PCDHA8: variants seen among roughly 807,000 people sequenced by gnomAD.
The protein encoded by PCDHA8 is protocadherin alpha-8.
A neutral mutation model predicts 61.8 loss-of-function variants in PCDHA8; 53 were observed. That is an observed-to-expected ratio of 0.86 (90% confidence interval 0.69 to 1.08). The LOEUF (loss-of-function observed/expected upper bound fraction) is 1.08. Ranked by LOEUF, PCDHA8 falls within the 50% of genes least tolerant of loss-of-function variation. PCDHA8 has a pLI of 0.00. For synonymous variants in PCDHA8, 618 were observed against 556.6 expected, an observed-to-expected ratio of 1.11 and a Z score of -1.55; for missense variants, 1,293 against 1,245.0, an observed-to-expected ratio of 1.04 and a Z score of -0.58.
intron 3 of PCDHA8, among the ~76,000 whole-genome samples, chr5:141,002,590 C>T (rs183905414): frequency 6.6e-6 from 1 of 152,294 alleles, no homozygotes; most frequent in East Asian, 1.9e-4. Flanking sequence ...AGTCCTTAGT[C>T]CCCTCATCTA....
At chr5:140,870,622 G>C (rs377101052) in intron 1 of PCDHA8, 4 of 1,613,124 alleles carry the variant, frequency 2.5e-6, no homozygotes, top group Non-Finnish European at 3.4e-6. Flanking sequence ...GTCGAGCTAC[G>C]TGTCGGTGCA....
At position 141,010,198 on chromosome 5, in the gene PCDHA8, C is replaced by T; in HGVS notation, c.*261C>T. ...AAAGCAGACCCAAGTTTCCTTTCTC[C>T]TCCGCCGCAAAGGAGAGGCTTCCCA... On this transcript the variant is annotated 3_prime_UTR_variant, in exon 4 of 4. Transcript: ENST00000531613. The T allele has an allele frequency of 6.4e-7, 1 of 1,552,138 alleles. No homozygotes were observed. The highest frequency in any genetic ancestry group is 1.4e-5 in the African/African-American group (1 of 73,154).
At chr5:140,968,150 A>G (rs1554230413) in intron 1 of PCDHA8, 2 of 1,614,180 alleles carry the variant, frequency 1.2e-6, no homozygotes, top group Admixed American at 1.7e-5. Flanking sequence ...GATCTCTGAC[A>G]TCAATGACAA....
intron 1 of PCDHA8, chr5:140,967,149 C>A (rs781864120): frequency 1.3e-5 from 21 of 1,610,890 alleles, no homozygotes; most frequent in Non-Finnish European, 1.7e-5. Flanking sequence ...GCGCACAACC[C>A]CGTGGCGGTG....
chr5:140,961,748 A>G (rs2095633419), intron 1 of PCDHA8, among the ~76,000 whole-genome samples: 1 of 152,184 alleles, frequency 6.6e-6, no homozygotes, highest in Non-Finnish European at 1.5e-5. Flanking sequence ...GTAATATTAC[A>G]GTTTTGAAGG....
intron 1 of PCDHA8, chr5:140,863,570 G>A (rs912173891): frequency 1.9e-5 from 7 of 370,768 alleles, no homozygotes; most frequent in South Asian, 4.2e-5. Flanking sequence ...GAGAATATAA[G>A]TACTGTAATC....
At chr5:140,927,376 A>G (rs1554204440) in intron 1 of PCDHA8, 13 of 1,614,094 alleles carry the variant, frequency 8.1e-6, no homozygotes, top group East Asian at 2.2e-5. Context: ...ACTAAGCTAC[A>G]GCCTAAGCCC....
In PCDHA8 at chr5:140,927,920, T is replaced by C. The variant is rs782193396; in HGVS notation, c.2395-51029T>C. Reference sequence around the variant, plus strand: ...GATCATGCCCCCGAACTGGACTTCCTGACTCTTTCGAACCCAGTACCTGAG... The same window carrying C: ...GATCATGCCCCCGAACTGGACTTCCCGACTCTTTCGAACCCAGTACCTGAG... On this transcript the variant is annotated intron_variant, in intron 1 of 3. Transcript: ENST00000531613. 6.2e-6 allele frequency: 10 copies of C among 1,614,120 alleles called. No individual in the cohort carries two copies. In the South Asian group the frequency reaches 1.1e-4, roughly 18 times the overall value.
chr5:140,930,321 T>C (rs1166503889), intron 1 of PCDHA8: 7 of 152,186 alleles, frequency 4.6e-5, no homozygotes, highest in Non-Finnish European at 1.0e-4. Flanking sequence ...TTGAGAGTAA[T>C]GTATCTAATG....
At chr5:140,874,703 A>G (rs782809395) in intron 1 of PCDHA8, among the ~76,000 whole-genome samples, 16 of 152,270 alleles carry the variant, frequency 1.1e-4, no homozygotes, top group Admixed American at 7.2e-4. Flanking sequence ...TATGGAAATG[A>G]GAGCAGTTAT....
intron 1 of PCDHA8, chr5:140,856,300 T>C (rs1251498133): frequency 1.3e-6 from 2 of 1,598,422 alleles, no homozygotes; most frequent in African/African-American, 2.7e-5. Context: ...GCATTTTGTT[T>C]GTGAATTCTC....
chr5:140,869,028 G>T, intron 1 of PCDHA8: 1 of 1,526,584 alleles, frequency 6.6e-7, no homozygotes, highest in Middle Eastern at 1.8e-4. Context: ...AATTCAACGA[G>T]ATTTTTAACC....
intron 1 of PCDHA8, among the ~76,000 whole-genome samples, chr5:140,911,178 G>A (rs1227283843): frequency 1.3e-5 from 2 of 152,196 alleles, no homozygotes; most frequent in Non-Finnish European, 2.9e-5. Flanking sequence ...TGATGGCAGT[G>A]TGGGTTGGGG....
intron 1 of PCDHA8, among the ~76,000 whole-genome samples, chr5:140,962,850 G>T (rs2095713419): frequency 6.6e-6 from 1 of 152,104 alleles, no homozygotes; most frequent in African/African-American, 2.4e-5. Flanking sequence ...TATAACTTGT[G>T]CTCGGTTTGT....
At chr5:140,876,938 T>C in intron 1 of PCDHA8, 1 of 1,613,716 alleles carries the variant, frequency 6.2e-7, no homozygotes, top group East Asian at 2.2e-5. Context: ...AAGAACGCGC[T>C]GGTGTCCTAC....
At chr5:140,903,427 A>G (rs1030133179) in intron 1 of PCDHA8, among the ~76,000 whole-genome samples, 9 of 152,208 alleles carry the variant, frequency 5.9e-5, no homozygotes, top group African/African-American at 1.9e-4. Context: ...TCAGCACAAT[A>G]TGTATCAGTG....
In PCDHA8 at chr5:140,841,950, T is replaced by C. The variant is rs1580983640; in HGVS notation, c.629T>C (p.Leu210Ser). 1 of 1,613,892 alleles carries C rather than the reference T, an allele frequency of 6.2e-7. No homozygotes were observed. ...LDREDAPAHH[L>S]FLTATDGGKP... ...AGAGAGGACGCTCCTGCGCACCACT[T>C]ATTCCTGACAGCCACAGATGGGGGC... Residue 210 changes from leucine (L) to serine (S), a missense_variant, in exon 1 of 4, where the codon TTA becomes TCA. Physicochemically the swap from Leu to Ser is moderately radical, Grantham distance 145. Transcript: ENST00000531613.
chr5:140,953,340 C>T (rs2094876353), intron 1 of PCDHA8, among the ~76,000 whole-genome samples: 1 of 152,066 alleles, frequency 6.6e-6, no homozygotes, highest in Non-Finnish European at 1.5e-5. Context: ...TAGGGCTCAC[C>T]TTCTTTTGTT....
rs562257406 is a variant in PCDHA8 at position 140,883,263 on chromosome 5, G to A, written c.2394+39548G>A. 5.0e-6 allele frequency: 8 copies of A among 1,613,870 alleles called. No individual in the cohort carries two copies. The Admixed American group carries it at 6.7e-5, about 13-fold the overall frequency. ...GACAAAGGAAATATTCCAATGGCGG[G>A]TCATTGTACCCTTTTGGTGGAAGTA... On this transcript the variant is annotated intron_variant, in intron 1 of 3. Transcript: ENST00000531613.
Sources: gnomAD v4.1 joint callset for allele counts (sites outside exome capture counted in the v4.1 genomes callset) on GRCh38, gnomAD v4.1.1 for gene constraint, MANE v1.5 for transcripts, NCBI Gene and HGNC (gene_info 2026-07-23, HGNC 2026-07-21) for gene names.